ESR1: variants seen among roughly 807,000 people sequenced by gnomAD.
ESR1 encodes estrogen receptor 1, also known as estrogen receptor.
Under a neutral mutation model 52.7 loss-of-function variants are expected in ESR1, and 12 were observed. That is an observed-to-expected ratio of 0.23 (90% CI 0.15 to 0.37). The LOEUF is 0.37. Ranked by LOEUF, ESR1 falls within the 10% of genes least tolerant of loss-of-function variation. The probability of loss-of-function intolerance (pLI) is 1.00; values close to 1 mark genes in which losing one functional copy is unlikely to be tolerated. For synonymous variants in ESR1, 305 were observed against 316.8 expected (o/e 0.96, Z 0.39); for missense variants, 584 against 779.7 (o/e 0.75, Z 2.99).
At chr6:151,709,949 T>C (rs1345408572) in intron 2 of ESR1, among the ~76,000 whole-genome samples, 2 of 151,774 alleles carry the variant, frequency 1.3e-5, no homozygotes, top group East Asian at 3.9e-4. Context: ...ATTTCTATGT[T>C]TTATTTTATT....
intron 2 of ESR1, among the ~76,000 whole-genome samples, chr6:151,843,883 T>C (rs1784684325): frequency 6.6e-6 from 1 of 151,800 alleles, no homozygotes; most frequent in African/African-American, 2.4e-5. Flanking sequence ...TATATAGTAT[T>C]TATTTTTCCT....
At chr6:151,974,784 G>A (rs1159226212) in intron 4 of ESR1, among the ~76,000 whole-genome samples, 1 of 152,102 alleles carries the variant, frequency 6.6e-6, no homozygotes, top group East Asian at 1.9e-4. Context: ...TGAAATTCTT[G>A]AAACTATAAC....
At chr6:151,725,625 C>G (rs1375820205) in intron 2 of ESR1, among the ~76,000 whole-genome samples, 1 of 152,174 alleles carries the variant, frequency 6.6e-6, no homozygotes, top group Non-Finnish European at 1.5e-5. Flanking sequence ...ATCTACTTGG[C>G]TTGAGCCAAA....
chr6:152,011,906 GTT>G (rs779955209), intron 5 of ESR1, 112 bp downstream of exon 5: 44 of 1,208,634 alleles, frequency 3.6e-5, no homozygotes, highest in Non-Finnish European at 4.7e-5. Flanking sequence ...TATTAGGTAT[GTT>G]TACTTAACAA....
rs1335131786 is a variant in ESR1, at chr6:151,911,626, C to G, written c.760+30855C>G. ...GGGAGGCCTCCCTCCCCACTCACAG[C>G]TGCCTTCCTGCATGATGTAAAATGA... On this transcript the variant is annotated intron_variant, in intron 3 of 7. Coordinates refer to ENST00000206249, the MANE Select transcript of ESR1 (RefSeq NM_000125.4). 2.0e-5 allele frequency among the ~76,000 whole-genome samples: 3 copies of G among 152,338 alleles called. No homozygotes were observed. The East Asian group carries it at 5.8e-4, about 29-fold the overall frequency.
chr6:151,719,460 G>T (rs1484071636), intron 2 of ESR1, among the ~76,000 whole-genome samples: 3 of 152,142 alleles, frequency 2.0e-5, no homozygotes, highest in Non-Finnish European at 4.4e-5. Flanking sequence ...TTTCCAGGCA[G>T]AAGAAAGAGC....
At chr6:152,113,574 TTG>T (rs149373494) in intron 6 of ESR1, among the ~76,000 whole-genome samples, 269 of 148,772 alleles carry the variant, frequency 1.8e-3, no homozygotes, top group East Asian at 4.7e-3. Flanking sequence ...AGATCTCATA[TTG>T]TGTGTGTGTG....
intron 4 of ESR1, among the ~76,000 whole-genome samples, chr6:151,983,128 A>T (rs2040148463): frequency 6.6e-6 from 1 of 152,144 alleles, no homozygotes; most frequent in Non-Finnish European, 1.5e-5. Flanking sequence ...CATATTGGAT[A>T]GTACAGCTTT....
At chr6:151,858,725 G>A (rs1260442626) in intron 2 of ESR1, among the ~76,000 whole-genome samples, 1 of 151,834 alleles carries the variant, frequency 6.6e-6, no homozygotes, top group Admixed American at 6.6e-5. Context: ...ATCTTGTTTA[G>A]GACTCCTCTT....
chr6:151,790,571 C>A (rs570278956), intron 2 of ESR1, among the ~76,000 whole-genome samples: 1 of 150,690 alleles, frequency 6.6e-6, no homozygotes. Context: ...AAGAGAGAAA[C>A]GCTTCTTGCT....
intron 2 of ESR1, among the ~76,000 whole-genome samples, chr6:151,719,503 C>T (rs1012462735): frequency 7.9e-5 from 12 of 152,030 alleles, no homozygotes; most frequent in South Asian, 2.1e-4. Context: ...AGCATTTCTG[C>T]GAGACTGGAG....
intron 6 of ESR1, among the ~76,000 whole-genome samples, chr6:152,124,203 G>A (rs2052516063): frequency 6.6e-6 from 1 of 152,168 alleles, no homozygotes; most frequent in Non-Finnish European, 1.5e-5. Flanking sequence ...TCACTTGGGA[G>A]GCTGAGGCAG....
At chr6:151,824,265 G>A (rs1187310061) in intron 1 of ESR1, among the ~76,000 whole-genome samples, 2 of 152,208 alleles carry the variant, frequency 1.3e-5, no homozygotes, top group Non-Finnish European at 2.9e-5. Flanking sequence ...CTGCATAAAT[G>A]TCTTCTTTTC....
At chr6:151,767,970 G>A (rs914681760) in intron 2 of ESR1, among the ~76,000 whole-genome samples, 20 of 152,172 alleles carry the variant, frequency 1.3e-4, no homozygotes, top group Non-Finnish European at 2.8e-4. Flanking sequence ...GATATGAGGG[G>A]ACTAGGCACT....
chr6:151,944,876 C>T (rs1196881883), intron 4 of ESR1, among the ~76,000 whole-genome samples: 3 of 152,092 alleles, frequency 2.0e-5, no homozygotes, highest in African/African-American at 7.2e-5. Flanking sequence ...TATTAATGAC[C>T]TTTGTTGAAA....
At chr6:151,805,888 A>G (rs1777763220), upstream of ESR1, 1 of 152,128 alleles carries the variant, frequency 6.6e-6, no homozygotes, top group Non-Finnish European at 1.5e-5. Flanking sequence ...CTTTCTGGCT[A>G]GTGTCTGTAT....
rs548255079 is a variant in ESR1, at chr6:152,098,311, T to C, written c.1554-421T>C. 8.5e-5 allele frequency among the ~76,000 whole-genome samples: 13 copies of C among 152,210 alleles called. No individual in the cohort carries two copies. The highest frequency in any genetic ancestry group is 3.1e-4 in the African/African-American group (13 of 41,542). On this transcript the variant is annotated intron_variant, in intron 7 of 7. Transcript: ENST00000206249. The surrounding 1 kb of genome is among the most constrained non-coding windows in gnomAD (Gnocchi z 5.1). The stretch of plus-strand genomic sequence containing the variant: ...AGCGTCTTGAACTGCTTTACTCATT[T>C]AAAATACCCACTCCTGCTTGGCTGA...
chr6:151,799,996 T>C (rs1014975042), upstream of ESR1, among the ~76,000 whole-genome samples: 18 of 152,180 alleles, frequency 1.2e-4, no homozygotes, highest in African/African-American at 4.1e-4. Flanking sequence ...GGCTCTTGAG[T>C]TACTTTTGGA....
rs535884379 is a variant in ESR1, at chr6:152,084,417, A to G, written c.1370-9968A>G. Among the ~76,000 whole-genome samples, 81 of 140,690 alleles carry G rather than the reference A, an allele frequency of 5.8e-4. No homozygotes were observed. The Middle Eastern group carries it at 0.01, about 18-fold the overall frequency. 92.3% of individuals were successfully genotyped at this position (140,690 alleles called of 152,430 possible). A position where few individuals can be genotyped will look rare whatever the true frequency, so the allele number is the denominator to read the frequency against. ...GCACCTGTACCCTAGAACTTAAAGTATAATAAAAAAAAAAGAAAGAAAAGA... is the reference window on the plus strand; with the variant it reads ...GCACCTGTACCCTAGAACTTAAAGTGTAATAAAAAAAAAAGAAAGAAAAGA... On this transcript the variant is annotated intron_variant, in intron 6 of 7. Transcript: ENST00000206249.
Sources: gnomAD v4.1 joint callset for allele counts (sites outside exome capture counted in the v4.1 genomes callset) on GRCh38, gnomAD v4.1.1 for gene constraint, Gnocchi (gnomAD v3.1) non-coding constraint, MANE v1.5 for transcripts, NCBI Gene and HGNC (gene_info 2026-07-23, HGNC 2026-07-21) for gene names.